Variants in FSTL4 observed in about 807,000 individuals in gnomAD.
The protein encoded by FSTL4 is follistatin-related protein 4.
FSTL4 carries 28 observed loss-of-function variants against 78.2 expected under a neutral mutation model. That is an observed-to-expected ratio of 0.36 (90% CI 0.27 to 0.49). FSTL4 has a LOEUF of 0.49. FSTL4 is among the 20% of genes least tolerant of loss of function. The probability of loss-of-function intolerance (pLI) is 0.98; values close to 1 mark genes in which losing one functional copy is unlikely to be tolerated. For synonymous variants in FSTL4, 422 were observed against 440.5 expected, an observed-to-expected ratio of 0.96 and a Z score of 0.53; for missense variants, 922 against 1,084.9, an observed-to-expected ratio of 0.85 and a Z score of 2.11.
chr5:133,798,664 C>T, the FSTL4 span, among the ~76,000 whole-genome samples: 2 of 152,154 alleles, frequency 1.3e-5, no homozygotes, highest in African/African-American at 2.4e-5. Context: ...CTCACGACAT[C>T]CTGCGGTGGC....
the FSTL4 span, among the ~76,000 whole-genome samples, chr5:133,830,978 T>C: frequency 6.6e-6 from 1 of 152,158 alleles, no homozygotes; most frequent in South Asian, 2.1e-4. Context: ...CCACTATAAT[T>C]ATAGGGGCAT....
At chr5:133,552,422 G>T (rs1295204424) in intron 3 of FSTL4, among the ~76,000 whole-genome samples, 1 of 152,172 alleles carries the variant, frequency 6.6e-6, no homozygotes, top group Non-Finnish European at 1.5e-5. Flanking sequence ...CAGAGACACG[G>T]CTGCTCTCAC....
chr5:133,729,226 AACACACACACACACACAC>A, the FSTL4 span, among the ~76,000 whole-genome samples: 1 of 148,424 alleles, frequency 6.7e-6, no homozygotes, highest in South Asian at 2.3e-4. Flanking sequence ...GATTTATGAA[AACACACACACACACACAC>A]ACACACACAC....
At chr5:133,547,691 C>T (rs1759610747) in intron 3 of FSTL4, among the ~76,000 whole-genome samples, 1 of 152,154 alleles carries the variant, frequency 6.6e-6, no homozygotes, top group Admixed American at 6.5e-5. Context: ...CTTGCATTTG[C>T]CCTTTTGGCA....
Position 133,466,410 on chromosome 5 carries a change from C to T in FSTL4, c.161-65424G>A, listed in dbSNP as rs538993892. 6.0e-3 allele frequency among the ~76,000 whole-genome samples: 918 copies of T among 152,178 alleles called. 4 individuals are homozygous for T. Among genetic ancestry groups the T allele is most frequent in the African/African-American group, 0.021 (880 of 41,508 alleles). On this transcript the variant is annotated intron_variant, in intron 3 of 15. Transcript: ENST00000265342. Reference sequence around the variant, plus strand: ...ACAAAAAATTAGCCGGGTGCGGTGGCAGGCGCCTGTAGTCCCAGCTACTCG... The same window carrying T: ...ACAAAAAATTAGCCGGGTGCGGTGGTAGGCGCCTGTAGTCCCAGCTACTCG...
At chr5:133,525,456 A>T (rs1176400789) in intron 3 of FSTL4, among the ~76,000 whole-genome samples, 1 of 152,214 alleles carries the variant, frequency 6.6e-6, no homozygotes, top group Non-Finnish European at 1.5e-5. Flanking sequence ...CATCCTGCCC[A>T]GTGGTGTTCC....
intron 3 of FSTL4, among the ~76,000 whole-genome samples, chr5:133,445,203 A>G (rs1411248840): frequency 6.6e-6 from 1 of 152,206 alleles, no homozygotes; most frequent in African/African-American, 2.4e-5. Flanking sequence ...ACTTTCAAAA[A>G]TCGAGAAGCA....
In FSTL4 at chr5:133,198,872, C is replaced by A. The variant is rs1358013302; in HGVS notation, c.*223G>T. On this transcript the variant is annotated 3_prime_UTR_variant, in exon 16 of 16. Transcript: ENST00000265342. The stretch of plus-strand genomic sequence containing the variant: ...ATCCCTTTACACAGCAGCATATGTT[C>A]TCATCGTAGCTCAAGGCATAAATCA... The A allele has an allele frequency of 2.2e-6, 1 of 454,694 alleles. No homozygotes were observed. The highest frequency in any genetic ancestry group is 1.9e-5 in the African/African-American group (1 of 52,000). 28.2% of individuals were successfully genotyped at this position (454,694 alleles called of 1,614,324 possible). A position where few individuals can be genotyped will look rare whatever the true frequency, so the allele number is the denominator to read the frequency against.
intron 3 of FSTL4, among the ~76,000 whole-genome samples, chr5:133,411,493 C>T (rs1166536297): frequency 6.6e-6 from 1 of 152,106 alleles, no homozygotes; most frequent in Admixed American, 6.5e-5. Context: ...ACTATTAAGA[C>T]TCCAGTCTTC....
chr5:133,429,496 C>T (rs1311964065), intron 3 of FSTL4, among the ~76,000 whole-genome samples: 1 of 152,072 alleles, frequency 6.6e-6, no homozygotes, highest in East Asian at 1.9e-4. Context: ...AGGGAAGAAA[C>T]CACATAAGCT....
chr5:133,732,864 C>A, the FSTL4 span, among the ~76,000 whole-genome samples: 1 of 152,214 alleles, frequency 6.6e-6, no homozygotes, highest in Non-Finnish European at 1.5e-5. Context: ...GAGTAATATC[C>A]AGACCCAGCC....
intron 4 of FSTL4, among the ~76,000 whole-genome samples, chr5:133,322,683 G>T (rs1428867850): frequency 6.6e-6 from 1 of 152,198 alleles, no homozygotes; most frequent in Non-Finnish European, 1.5e-5. Flanking sequence ...ATCCCTATTA[G>T]CTGAGGTTGC....
At chr5:133,747,992 C>T in the FSTL4 span, among the ~76,000 whole-genome samples, 6 of 151,962 alleles carry the variant, frequency 3.9e-5, no homozygotes, top group South Asian at 2.1e-4. Flanking sequence ...GTCAAGAGAT[C>T]GAGACCATCC....
the FSTL4 span, among the ~76,000 whole-genome samples, chr5:133,676,093 G>A: frequency 1.3e-5 from 2 of 152,220 alleles, no homozygotes; most frequent in Admixed American, 6.5e-5. Flanking sequence ...TTCTGCTGGA[G>A]TAGAGGATTT....
chr5:133,311,526 C>G (rs1034753590), intron 6 of FSTL4, among the ~76,000 whole-genome samples: 8 of 152,222 alleles, frequency 5.3e-5, no homozygotes, highest in Non-Finnish European at 8.8e-5. Context: ...CCAAGTACCT[C>G]TCTATTTGCC....
the FSTL4 span, among the ~76,000 whole-genome samples, chr5:133,769,986 G>C: frequency 6.6e-6 from 1 of 152,054 alleles, no homozygotes. Context: ...ATTTCACTTA[G>C]GGTAATGGCC....
At chr5:133,668,382 G>A in the FSTL4 span, among the ~76,000 whole-genome samples, 1 of 152,314 alleles carries the variant, frequency 6.6e-6, no homozygotes, top group Admixed American at 6.5e-5. Context: ...AGGGATGTAA[G>A]TAAAAATGGA....
intron 3 of FSTL4, among the ~76,000 whole-genome samples, chr5:133,452,314 A>G (rs1180405618): frequency 1.3e-5 from 2 of 152,272 alleles, no homozygotes; most frequent in East Asian, 3.8e-4. Flanking sequence ...ATATCTCTCA[A>G]GTACCAAACC....
chr5:133,582,651 C>T (rs926130594), intron 2 of FSTL4, among the ~76,000 whole-genome samples: 7 of 152,310 alleles, frequency 4.6e-5, no homozygotes, highest in South Asian at 2.1e-4. Context: ...GGGCCATGGC[C>T]AACCCCTGTC....
Sources: gnomAD v4.1 joint callset for allele counts (sites outside exome capture counted in the v4.1 genomes callset) on GRCh38, gnomAD v4.1.1 for gene constraint, MANE v1.5 for transcripts, NCBI Gene and HGNC (gene_info 2026-07-23, HGNC 2026-07-21) for gene names.